The following TTC23L variants were observed in gnomAD, a reference collection of about 807,000 sequenced individuals.
TTC23L encodes the protein tetratricopeptide repeat domain 23 like.
Under a neutral mutation model 48.1 loss-of-function variants are expected in TTC23L, and 42 were observed. The ratio of observed to expected loss-of-function variants is 0.87; its 90% CI spans 0.68 to 1.13. TTC23L has a LOEUF of 1.13. Among genes scored for constraint, TTC23L ranks in the 50% most tolerant of loss-of-function variants. The pLI, the probability that TTC23L is intolerant of heterozygous loss-of-function variation, is 0.00. For synonymous variants in TTC23L, 159 were observed against 157.2 expected (o/e 1.01, Z -0.09); for missense variants, 391 against 421.0 (o/e 0.93, Z 0.62).
At chr5:34,849,001 A>G (rs1472648472) in intron 3 of TTC23L, among the ~76,000 whole-genome samples, 1 of 152,236 alleles carries the variant, frequency 6.6e-6, no homozygotes. Context: ...AAGCTATTTG[A>G]TCACAATTAG....
At chr5:34,874,747 T>A (rs1369114876) in intron 8 of TTC23L, among the ~76,000 whole-genome samples, 1 of 150,686 alleles carries the variant, frequency 6.6e-6, no homozygotes, top group Non-Finnish European at 1.5e-5. Flanking sequence ...ATAAATAAAA[T>A]TTAAAAAGCA....
downstream of TTC23L, among the ~76,000 whole-genome samples, chr5:34,900,797 A>G (rs1763489478): frequency 6.6e-6 from 1 of 152,216 alleles, no homozygotes; most frequent in African/African-American, 2.4e-5. Context: ...GAATCTCGAG[A>G]GAGTACTTTT....
chr5:34,922,804 C>A, the TTC23L span: 2 of 1,569,370 alleles, frequency 1.3e-6, no homozygotes, highest in Non-Finnish European at 1.8e-6. Context: ...GTCTAATTTT[C>A]TTATCTGGCA....
intron 9 of TTC23L, among the ~76,000 whole-genome samples, chr5:34,890,253 T>C (rs183161569): frequency 6.6e-6 from 1 of 151,776 alleles, no homozygotes; most frequent in East Asian, 2.0e-4. Flanking sequence ...AAGACCAGCC[T>C]GGGCAACATG....
intron 8 of TTC23L, among the ~76,000 whole-genome samples, chr5:34,870,712 A>C (rs1250801827): frequency 6.6e-6 from 1 of 152,182 alleles, no homozygotes; most frequent in Non-Finnish European, 1.5e-5. Flanking sequence ...AATATATAGC[A>C]ATATATAAAT....
chr5:34,915,569 G>T, the TTC23L span: 2 of 778,648 alleles, frequency 2.6e-6, no homozygotes, highest in Non-Finnish European at 2.0e-6. Flanking sequence ...CAGAGCTGAA[G>T]GAGGCCTAGA....
At chr5:34,878,113 C>CATT (rs1561147589) in intron 8 of TTC23L, among the ~76,000 whole-genome samples, 1 of 152,176 alleles carries the variant, frequency 6.6e-6, no homozygotes. Flanking sequence ...ATACCATTTA[C>CATT]ATTAGCACTC....
intron 2 of TTC23L, 63 bp downstream of exon 2, chr5:34,840,802 C>A: frequency 6.7e-7 from 1 of 1,494,768 alleles, no homozygotes; most frequent in Non-Finnish European, 9.3e-7. Context: ...GGACCTCCTG[C>A]TTAAGGCAAA....
chr5:34,901,477 G>A (rs1763509365), downstream of TTC23L, among the ~76,000 whole-genome samples: 1 of 152,118 alleles, frequency 6.6e-6, no homozygotes. Context: ...AAGAAACTGG[G>A]GACGGCCGGG....
At chr5:34,893,665 T>C (rs921587720) in intron 9 of TTC23L, among the ~76,000 whole-genome samples, 9 of 152,186 alleles carry the variant, frequency 5.9e-5, no homozygotes, top group Admixed American at 1.3e-4. Flanking sequence ...CTTTACTTAG[T>C]GTATGGCACA....
At chr5:34,872,746 A>G (rs1454863138) in intron 8 of TTC23L, among the ~76,000 whole-genome samples, 1 of 152,220 alleles carries the variant, frequency 6.6e-6, no homozygotes, top group Non-Finnish European at 1.5e-5. Context: ...TATTCACTAC[A>G]TGGAATTTTG....
chr5:34,852,087 G>T (rs905960355), intron 4 of TTC23L, among the ~76,000 whole-genome samples: 1 of 152,038 alleles, frequency 6.6e-6, no homozygotes, highest in Non-Finnish European at 1.5e-5. Flanking sequence ...GTCTTTCTAC[G>T]TTGCCCAGGC....
At chr5:34,914,992 A>G in the TTC23L span, 2 of 1,320,286 alleles carry the variant, frequency 1.5e-6, no homozygotes, top group Non-Finnish European at 2.1e-6. Context: ...AACTCCCATC[A>G]GTGCTGGCGA....
At chr5:34,879,631 T>C (rs1186047729) in intron 8 of TTC23L, among the ~76,000 whole-genome samples, 3 of 152,204 alleles carry the variant, frequency 2.0e-5, no homozygotes, top group Admixed American at 6.5e-5. Flanking sequence ...ACAGAAGCTT[T>C]CTTTTTTGCT....
intron 2 of TTC23L, 61 bp downstream of exon 2, chr5:34,840,800 T>G: frequency 6.7e-7 from 1 of 1,502,896 alleles, no homozygotes; most frequent in Non-Finnish European, 9.3e-7. Flanking sequence ...TGGGACCTCC[T>G]GCTTAAGGCA....
chr5:34,857,518 C>T (rs1760227335), intron 4 of TTC23L, among the ~76,000 whole-genome samples: 1 of 152,110 alleles, frequency 6.6e-6, no homozygotes, highest in Non-Finnish European at 1.5e-5. Context: ...AAGCCTGATA[C>T]CTACCTGAAG....
At chr5:34,895,820 A>G (rs1405303916) in intron 9 of TTC23L, among the ~76,000 whole-genome samples, 1 of 152,226 alleles carries the variant, frequency 6.6e-6, no homozygotes, top group Non-Finnish European at 1.5e-5. Flanking sequence ...TATCAGCCAG[A>G]CCAGTCTTGG....
intron 9 of TTC23L, among the ~76,000 whole-genome samples, chr5:34,892,371 A>G (rs967969778): frequency 1.3e-5 from 2 of 152,198 alleles, no homozygotes; most frequent in Non-Finnish European, 2.9e-5. Flanking sequence ...AAGGGCCTCA[A>G]ATAAAATTTT....
the TTC23L span, chr5:34,918,506 C>G: frequency 8.0e-7 from 1 of 1,253,862 alleles, no homozygotes; most frequent in African/African-American, 1.6e-5. Flanking sequence ...TTAGAAATTT[C>G]TATCTATAAA....
Sources: gnomAD v4.1 joint callset for allele counts (sites outside exome capture counted in the v4.1 genomes callset) on GRCh38, gnomAD v4.1.1 for gene constraint, MANE v1.5 for transcripts, NCBI Gene and HGNC (gene_info 2026-07-23, HGNC 2026-07-21) for gene names.